The following TEAD1 variants were observed in gnomAD, a reference collection of about 807,000 sequenced individuals.
The protein encoded by TEAD1 is transcriptional enhancer factor TEF-1.
Under a neutral mutation model 54.9 loss-of-function variants are expected in TEAD1, and 9 were observed. The observed-to-expected ratio is 0.16, with a 90% CI of 0.10 to 0.29. TEAD1 has a LOEUF of 0.29. Among genes scored for constraint, TEAD1 ranks in the 10% least tolerant of loss-of-function variants. The pLI is 1.00. For missense variants in TEAD1, 387 were observed against 535.9 expected (o/e 0.72, Z 2.74); for synonymous variants, 200 against 187.8 (o/e 1.07, Z -0.53).
chr11:12,909,631 A>G (rs1464242151), intron 10 of TEAD1, among the ~76,000 whole-genome samples: 2 of 152,138 alleles, frequency 1.3e-5, no homozygotes, highest in Non-Finnish European at 2.9e-5. Flanking sequence ...CTGCACATGT[A>G]TCCCAGAAAT....
chr11:12,715,287 C>T (rs1403855147), intron 2 of TEAD1, among the ~76,000 whole-genome samples: 3 of 152,020 alleles, frequency 2.0e-5, no homozygotes, highest in African/African-American at 4.8e-5. Flanking sequence ...GGAAAAGCCT[C>T]GTGACCCAGT....
chr11:12,912,352 CAG>C (rs976547509), intron 10 of TEAD1, among the ~76,000 whole-genome samples: 51 of 152,226 alleles, frequency 3.4e-4, no homozygotes, highest in African/African-American at 1.2e-3. Context: ...TGTGGAAGCA[CAG>C]AGGTGGAACC....
chr11:12,676,459 A>T (rs1943092688), intron 2 of TEAD1, among the ~76,000 whole-genome samples: 1 of 152,238 alleles, frequency 6.6e-6, no homozygotes, highest in Non-Finnish European at 1.5e-5. Flanking sequence ...ATTGGGGAAC[A>T]GTCTTCAGGC....
At chr11:12,883,146 G>GT (rs750167738) in intron 9 of TEAD1, 21 bp downstream of exon 9, 1 of 1,614,112 alleles carries the variant, frequency 6.2e-7, no homozygotes, top group Admixed American at 1.7e-5. Flanking sequence ...CCAGAGAGGT[G>GT]TGTCTTGAAT....
intron 3 of TEAD1, among the ~76,000 whole-genome samples, chr11:12,845,727 C>T (rs758868876): frequency 7.2e-5 from 11 of 152,232 alleles, no homozygotes; most frequent in Non-Finnish European, 1.2e-4. Context: ...GCCTTTTGCA[C>T]GTGTCTTGCA....
chr11:12,913,656 T>A (rs373990553), intron 10 of TEAD1, among the ~76,000 whole-genome samples: 1 of 152,314 alleles, frequency 6.6e-6, no homozygotes, highest in East Asian at 1.9e-4. Flanking sequence ...CCAGTTAAAT[T>A]TGCATTTCAA....
At chr11:12,690,867 C>T (rs1054738745) in intron 2 of TEAD1, among the ~76,000 whole-genome samples, 1 of 152,204 alleles carries the variant, frequency 6.6e-6, no homozygotes, top group Non-Finnish European at 1.5e-5. Flanking sequence ...AGGTGATCCT[C>T]TGACCTCAGC....
intron 2 of TEAD1, among the ~76,000 whole-genome samples, chr11:12,691,157 A>C (rs1041915882): frequency 2.0e-5 from 3 of 152,168 alleles, no homozygotes; most frequent in African/African-American, 7.2e-5. Context: ...ATCATTAGGC[A>C]ATCACTGATT....
In TEAD1 at chr11:12,866,327, A is replaced by C. The variant is rs565168384; in HGVS notation, c.330+1427A>C. 8.5e-5 allele frequency among the ~76,000 whole-genome samples: 13 copies of C among 152,326 alleles called. No individual in the cohort carries two copies. The East Asian group carries it at 2.1e-3, about 25-fold the overall frequency. ...GTTGTTTCCATCTGTGATGATATGAATTGCTCTATTTCTGCACTGTCTGTG... is the reference window on the plus strand; with the variant it reads ...GTTGTTTCCATCTGTGATGATATGACTTGCTCTATTTCTGCACTGTCTGTG... On this transcript the variant is annotated intron_variant, in intron 5 of 12. Transcript: ENST00000527636.
intron 12 of TEAD1, among the ~76,000 whole-genome samples, chr11:12,935,421 G>A (rs1336460583): frequency 6.6e-6 from 1 of 151,732 alleles, no homozygotes; most frequent in Non-Finnish European, 1.5e-5. Flanking sequence ...ATTCTGATGT[G>A]AATTTTCATT....
At chr11:12,753,640 A>G (rs1944924130) in intron 2 of TEAD1, among the ~76,000 whole-genome samples, 1 of 152,140 alleles carries the variant, frequency 6.6e-6, no homozygotes. Context: ...TGTAGGATGA[A>G]GGATATGAGT....
At chr11:12,683,276 T>C (rs530250099) in intron 2 of TEAD1, among the ~76,000 whole-genome samples, 1 of 152,356 alleles carries the variant, frequency 6.6e-6, no homozygotes, top group South Asian at 2.1e-4. Context: ...TGCTGCATCT[T>C]ATCGGCAGTC....
intron 3 of TEAD1, among the ~76,000 whole-genome samples, chr11:12,845,712 C>T (rs1011788713): frequency 5.9e-5 from 9 of 152,212 alleles, no homozygotes; most frequent in African/African-American, 2.2e-4. Context: ...CCCCTTTTAG[C>T]GGTGGCCTTT....
intron 2 of TEAD1, among the ~76,000 whole-genome samples, chr11:12,681,597 T>C (rs1943222854): frequency 6.6e-6 from 1 of 152,246 alleles, no homozygotes; most frequent in Non-Finnish European, 1.5e-5. Context: ...TTGCCTCAGC[T>C]GGAGCCAGCT....
Position 12,902,053 on chromosome 11 carries a change from T to G in TEAD1, c.813T>G (p.Gly271=). ...ATGACAAATTTCCTGAAAAGAAAGGTGGCTTAAAGGAACTGTTTGGAAAGG... is the reference window on the plus strand; with the variant it reads ...ATGACAAATTTCCTGAAAAGAAAGGGGGCTTAAAGGAACTGTTTGGAAAGG... Residue 271 remains glycine, a synonymous_variant, in exon 10 of 13, where the codon GGT becomes GGG. Coordinates refer to ENST00000527636, the MANE Select transcript of TEAD1 (RefSeq NM_021961.6). 1 of 1,614,228 alleles carries G rather than the reference T, an allele frequency of 6.2e-7. No homozygotes were observed. The highest frequency in any genetic ancestry group is 2.2e-5 in the East Asian group (1 of 44,888).
intron 3 of TEAD1, among the ~76,000 whole-genome samples, chr11:12,837,248 C>T (rs1946911581): frequency 1.3e-5 from 2 of 152,130 alleles, no homozygotes; most frequent in Non-Finnish European, 2.9e-5. Context: ...TAGCTACTCC[C>T]CTCATACTCT....
At chr11:12,780,111 A>T (rs1254341433) in intron 3 of TEAD1, among the ~76,000 whole-genome samples, 1 of 152,212 alleles carries the variant, frequency 6.6e-6, no homozygotes, top group Non-Finnish European at 1.5e-5. Context: ...GGGAGAAGTC[A>T]AACTATACTG....
chr11:12,693,556 T>C (rs1943509976), intron 2 of TEAD1, among the ~76,000 whole-genome samples: 1 of 152,240 alleles, frequency 6.6e-6, no homozygotes, highest in Non-Finnish European at 1.5e-5. Flanking sequence ...TATCCACTTT[T>C]GGGAAGTTGA....
intron 3 of TEAD1, among the ~76,000 whole-genome samples, chr11:12,858,427 T>C (rs1240990436): frequency 6.6e-6 from 1 of 152,204 alleles, no homozygotes; most frequent in Non-Finnish European, 1.5e-5. Flanking sequence ...AGCCTGTATT[T>C]CCAAATTAAA....
Sources: allele counts gnomAD v4.1 joint callset (sites outside exome capture counted in the v4.1 genomes callset), GRCh38; gene constraint gnomAD v4.1.1; transcripts MANE v1.5; gene names NCBI Gene and HGNC (gene_info 2026-07-23, HGNC 2026-07-21).